KCNMA1: variants seen among roughly 807,000 people sequenced by gnomAD.
KCNMA1 encodes the protein Calcium-activated potassium channel subunit alpha-1.
A neutral mutation model predicts 140.0 loss-of-function variants in KCNMA1; 29 were observed. That is an observed-to-expected ratio of 0.21 (90% CI 0.15 to 0.28). The LOEUF (loss-of-function observed/expected upper bound fraction) is 0.28. KCNMA1 is among the 10% of genes least tolerant of loss of function. The pLI is 1.00. For synonymous variants in KCNMA1, 612 were observed against 611.9 expected, an observed-to-expected ratio of 1.00 and a Z score of 0.00; for missense variants, 880 against 1,602.2, an observed-to-expected ratio of 0.55 and a Z score of 7.70.
chr10:76,918,749 A>C (rs1198468605), intron 23 of KCNMA1, among the ~76,000 whole-genome samples: 1 of 152,190 alleles, frequency 6.6e-6, no homozygotes, highest in East Asian at 1.9e-4. Context: ...TTATCTACCC[A>C]GAGGAAAAGA....
intron 18 of KCNMA1, among the ~76,000 whole-genome samples, chr10:77,007,630 A>C (rs2089308788): frequency 2.6e-5 from 2 of 75,770 alleles, no homozygotes; most frequent in African/African-American, 5.2e-5. Context: ...ACTCTGATAC[A>C]TCATGGTACA....
rs536943083 is a variant in KCNMA1, at chr10:77,424,356, C to A, written c.379-20333G>T. 7.9e-5 allele frequency among the ~76,000 whole-genome samples: 12 copies of A among 152,284 alleles called. 1 individual carries two copies. The highest frequency in any genetic ancestry group is 2.9e-4 in the African/African-American group (12 of 41,574). On this transcript the variant is annotated intron_variant, in intron 1 of 27. Transcript: ENST00000286628. ...ATCCTTACAACTATTTATAGCACTGCCCCCATATGGCAAATGAAGGCTCAG... is the reference window on the plus strand; with the variant it reads ...ATCCTTACAACTATTTATAGCACTGACCCCATATGGCAAATGAAGGCTCAG...
intron 1 of KCNMA1, among the ~76,000 whole-genome samples, chr10:77,626,516 C>T (rs922806552): frequency 3.3e-5 from 5 of 152,172 alleles, no homozygotes; most frequent in African/African-American, 1.2e-4. Context: ...TCCTCCAAGC[C>T]TTAGAACACT....
At chr10:76,992,251 G>A (rs1280192990) in intron 19 of KCNMA1, among the ~76,000 whole-genome samples, 1 of 152,150 alleles carries the variant, frequency 6.6e-6, no homozygotes, top group African/African-American at 2.4e-5. Flanking sequence ...TGTTAGTCCT[G>A]CTCATCTGAG....
intron 19 of KCNMA1, among the ~76,000 whole-genome samples, chr10:76,987,106 C>A (rs550514535): frequency 3.3e-5 from 5 of 150,398 alleles, no homozygotes; most frequent in Non-Finnish European, 5.9e-5. Flanking sequence ...CATGAAAGAC[C>A]TTTTTCCTTG....
chr10:77,489,348 T>A (rs1197993138), intron 1 of KCNMA1, among the ~76,000 whole-genome samples: 4 of 148,238 alleles, frequency 2.7e-5, no homozygotes, highest in Admixed American at 6.8e-5. Flanking sequence ...TTATTTATTT[T>A]TTTTGAGATG....
chr10:77,239,714 A>G (rs1269436485), intron 3 of KCNMA1, among the ~76,000 whole-genome samples: 1 of 152,208 alleles, frequency 6.6e-6, no homozygotes, highest in East Asian at 1.9e-4. Context: ...TAACTGCCAA[A>G]TTTCCATGAA....
chr10:76,901,736 C>T (rs1000223757), intron 25 of KCNMA1: 8 of 152,336 alleles, frequency 5.3e-5, no homozygotes, highest in Non-Finnish European at 1.0e-4. Context: ...TATCTCTGAG[C>T]ATAATTGTCT....
intron 14 of KCNMA1, among the ~76,000 whole-genome samples, chr10:77,067,473 ATC>A (rs78621121): frequency 1.3e-5 from 2 of 151,008 alleles, no homozygotes; most frequent in Non-Finnish European, 1.5e-5. Context: ...TATAATCAAC[ATC>A]TCTCTCTCTC....
At chr10:77,637,162 TGGAG>T in intron 1 of KCNMA1, 99 bp downstream of exon 1, 3 of 1,247,532 alleles carry the variant, frequency 2.4e-6, no homozygotes, top group Non-Finnish European at 3.3e-6. Flanking sequence ...CAGGCGGGGA[TGGAG>T]GGAGGCACGG....
chr10:77,617,699 T>C (rs1814118479), intron 1 of KCNMA1, among the ~76,000 whole-genome samples: 1 of 152,210 alleles, frequency 6.6e-6, no homozygotes, highest in Non-Finnish European at 1.5e-5. Flanking sequence ...TTTGTACATC[T>C]GTAAAATGGG....
chr10:77,237,523 C>T (rs1324303516), intron 3 of KCNMA1, among the ~76,000 whole-genome samples: 1 of 152,174 alleles, frequency 6.6e-6, no homozygotes, highest in African/African-American at 2.4e-5. Flanking sequence ...AGTGGTGCAA[C>T]CAGGGCTCAC....
At chr10:77,435,344 A>C (rs1310653840) in intron 1 of KCNMA1, among the ~76,000 whole-genome samples, 1 of 152,246 alleles carries the variant, frequency 6.6e-6, no homozygotes, top group Non-Finnish European at 1.5e-5. Flanking sequence ...AAATAGAAGA[A>C]AACTTTCAAA....
chr10:77,457,191 G>GA (rs1023060006), intron 1 of KCNMA1, among the ~76,000 whole-genome samples: 2 of 152,032 alleles, frequency 1.3e-5, no homozygotes, highest in African/African-American at 4.8e-5. Context: ...TGCTTGCTCT[G>GA]AGACCCAGTC....
At chr10:77,253,150 C>G (rs1309746421) in intron 2 of KCNMA1, among the ~76,000 whole-genome samples, 1 of 152,188 alleles carries the variant, frequency 6.6e-6, no homozygotes, top group Non-Finnish European at 1.5e-5. Context: ...GAGGCATAAG[C>G]AGTTAGATCC....
chr10:77,567,412 G>A (rs569396781), intron 1 of KCNMA1, among the ~76,000 whole-genome samples: 7 of 152,128 alleles, frequency 4.6e-5, no homozygotes, highest in Non-Finnish European at 8.8e-5. Context: ...CTCCTCCATG[G>A]GCTTCCAGAT....
At chr10:77,430,523 C>T (rs1343481454) in intron 1 of KCNMA1, among the ~76,000 whole-genome samples, 1 of 152,170 alleles carries the variant, frequency 6.6e-6, no homozygotes, top group Non-Finnish European at 1.5e-5. Flanking sequence ...TGATTGAGAA[C>T]TCTTTCAGAC....
At chr10:77,298,120 C>A (rs1429874931) in intron 2 of KCNMA1, among the ~76,000 whole-genome samples, 3 of 152,184 alleles carry the variant, frequency 2.0e-5, no homozygotes, top group East Asian at 3.8e-4. Flanking sequence ...AATAATTGAA[C>A]CTTGTGTCCC....
chr10:76,911,428 G>A (rs2050190559), intron 24 of KCNMA1: 1 of 152,198 alleles, frequency 6.6e-6, no homozygotes, highest in African/African-American at 2.4e-5. Flanking sequence ...CCAAAATCCA[G>A]GCTCTGACAA....
Sources: gnomAD v4.1 joint callset for allele counts (sites outside exome capture counted in the v4.1 genomes callset) on GRCh38, gnomAD v4.1.1 for gene constraint, MANE v1.5 for transcripts, NCBI Gene and HGNC (gene_info 2026-07-23, HGNC 2026-07-21) for gene names.